The following ZNF431 variants were observed in gnomAD, a reference collection of about 807,000 sequenced individuals.
The protein encoded by ZNF431 is zinc finger protein 431.
A neutral mutation model predicts 57.0 loss-of-function variants in ZNF431; 34 were observed. The observed-to-expected ratio is 0.60, with a 90% CI of 0.45 to 0.79. The LOEUF is 0.79. ZNF431 is among the 30% of genes least tolerant of loss of function. The pLI is 0.00. For missense variants in ZNF431, 607 were observed against 667.1 expected, an observed-to-expected ratio of 0.91 and a Z score of 0.99; for synonymous variants, 207 against 220.3, an observed-to-expected ratio of 0.94 and a Z score of 0.54.
At position 21,169,353 on chromosome 19, in the gene ZNF431, C is replaced by G. The variant is rs530928979; in HGVS notation, c.319+1687C>G. On this transcript the variant is annotated intron_variant, in intron 4 of 4. Transcript: ENST00000311048. ...TCTTGACTAATTCTTGTGCCACATA[C>G]TTTCAGTGCTACCTTAAAATAGAAG... 1.2e-3 allele frequency among the ~76,000 whole-genome samples: 183 copies of G among 152,252 alleles called. 1 individual carries two copies. The highest frequency in any genetic ancestry group is 4.2e-3 in the African/African-American group (173 of 41,552).
At chr19:21,164,574 A>G (rs1970665347) in intron 2 of ZNF431, among the ~76,000 whole-genome samples, 1 of 152,072 alleles carries the variant, frequency 6.6e-6, no homozygotes, top group Non-Finnish European at 1.5e-5. Context: ...AATTTTCTCA[A>G]GATGCAGGTG....
chr19:21,166,251 C>T, intron 2 of ZNF431, 84 bp from the exon 3 acceptor site: 5 of 1,542,006 alleles, frequency 3.2e-6, no homozygotes, highest in Non-Finnish European at 4.4e-6. Context: ...TCTTTACTCT[C>T]TCAATTCACC....
intron 2 of ZNF431, 69 bp downstream of exon 2, chr19:21,143,712 G>C: frequency 8.5e-7 from 1 of 1,171,602 alleles, no homozygotes; most frequent in South Asian, 1.3e-5. Flanking sequence ...CACATTGCTG[G>C]TCAGCCAGTC....
chr19:21,175,595 C>T, intron 4 of ZNF431: 1 of 520,894 alleles, frequency 1.9e-6, no homozygotes, highest in Non-Finnish European at 3.4e-6. Flanking sequence ...CCGTGACAGA[C>T]CCCAGTGTGT....
chr19:21,166,304 A>C (rs767600109), intron 2 of ZNF431, 31 bp from the exon 3 acceptor site: 19 of 1,605,244 alleles, frequency 1.2e-5, no homozygotes, highest in African/African-American at 5.4e-5. Flanking sequence ...CTTGGTAAAT[A>C]TATGTGTGTC....
At chr19:21,150,845 C>A (rs536491537) in intron 2 of ZNF431, among the ~76,000 whole-genome samples, 41 of 152,236 alleles carry the variant, frequency 2.7e-4, no homozygotes, top group South Asian at 1.0e-3. Context: ...CCCCCAAAGT[C>A]AAAAACATCA....
intron 4 of ZNF431, chr19:21,175,518 C>T (rs549053609): frequency 6.2e-5 from 42 of 672,292 alleles, no homozygotes; most frequent in African/African-American, 1.8e-4. Context: ...TTTGCTGCAC[C>T]TATTAACCTC....
At chr19:21,178,415 C>T (rs1158327735) in intron 4 of ZNF431, among the ~76,000 whole-genome samples, 1 of 152,058 alleles carries the variant, frequency 6.6e-6, no homozygotes, top group Non-Finnish European at 1.5e-5. Context: ...ATGCTTCCAG[C>T]TTTTGCCCTT....
chr19:21,156,276 A>G (rs944626038), intron 2 of ZNF431, among the ~76,000 whole-genome samples: 1 of 152,206 alleles, frequency 6.6e-6, no homozygotes, highest in Admixed American at 6.5e-5. Context: ...GCACACAGAA[A>G]TAAATCAGAG....
chr19:21,181,806 GA>G (rs1284980176), intron 4 of ZNF431, among the ~76,000 whole-genome samples: 1 of 151,546 alleles, frequency 6.6e-6, no homozygotes, highest in Admixed American at 6.6e-5. Context: ...GTTTCTTTCT[GA>G]AAATCTTATA....
chr19:21,149,871 G>A (rs975382387), intron 2 of ZNF431: 13 of 643,470 alleles, frequency 2.0e-5, no homozygotes, highest in African/African-American at 7.2e-5. Context: ...TGGACTAGAC[G>A]TCCTAGTCTT....
Sources: allele counts gnomAD v4.1 joint callset (sites outside exome capture counted in the v4.1 genomes callset), GRCh38; gene constraint gnomAD v4.1.1; transcripts MANE v1.5; gene names NCBI Gene and HGNC (gene_info 2026-07-23, HGNC 2026-07-21).